Variants in TSPAN7 observed in about 807,000 individuals in gnomAD.
TSPAN7 encodes the protein tetraspanin 7.
TSPAN7 carries 1 observed loss-of-function variant against 17.6 expected under a neutral mutation model. That is an observed-to-expected ratio of 0.06 (90% CI 0.02 to 0.27). The LOEUF (loss-of-function observed/expected upper bound fraction) is 0.27. Ranked by LOEUF, TSPAN7 falls within the 10% of genes least tolerant of loss-of-function variation. The probability of loss-of-function intolerance (pLI) is 1.00; values close to 1 mark genes in which losing one functional copy is unlikely to be tolerated. For missense variants in TSPAN7, 112 were observed against 201.7 expected, an observed-to-expected ratio of 0.56 and a Z score of 2.69; for synonymous variants, 78 against 79.0, an observed-to-expected ratio of 0.99 and a Z score of 0.07.
chrX:38,613,590 C>G (rs2069434220), intron 1 of TSPAN7, among the ~76,000 whole-genome samples: 1 of 111,464 alleles, frequency 9.0e-6, no homozygotes, highest in Non-Finnish European at 1.9e-5. Context: ...CTAGAGAAGC[C>G]TTCAAGTCTC....
At chrX:38,658,112 A>C (rs1248254684) in intron 1 of TSPAN7, among the ~76,000 whole-genome samples, 3 of 49,653 alleles carry the variant, frequency 6.0e-5, no homozygotes, top group Non-Finnish European at 1.1e-4. Context: ...CTGGGTACAA[A>C]AATAAAGAGT....
chrX:38,660,562 G>A lies in TSPAN7; in HGVS notation c.82-5559G>A, dbSNP rs111260569. 6.7e-4 allele frequency among the ~76,000 whole-genome samples: 75 copies of A among 112,085 alleles called. 1 individual carries two copies. In the East Asian group the frequency reaches 0.019, roughly 28 times the overall value. ...GATGTGTGTGGAGTTTCAGTGTCAC[G>A]CATTTTCTTCTGAGTTACAGAATCC... On this transcript the variant is annotated intron_variant, in intron 1 of 7. Coordinates refer to ENST00000378482, the MANE Select transcript of TSPAN7 (RefSeq NM_004615.4).
At chrX:38,604,462 G>T (rs1198141155) in intron 1 of TSPAN7, among the ~76,000 whole-genome samples, 73 of 109,766 alleles carry the variant, frequency 6.7e-4, no homozygotes, top group African/African-American at 2.1e-3. Context: ...ACTTCCACAA[G>T]GGTTGAACTA....
At chrX:38,601,107 G>A (rs1026905622) in intron 1 of TSPAN7, among the ~76,000 whole-genome samples, 2 of 111,497 alleles carry the variant, frequency 1.8e-5, no homozygotes, top group Non-Finnish European at 3.8e-5. Context: ...CTCAGCACAG[G>A]GATCAATACT....
At chrX:38,603,640 A>G (rs1386406621) in intron 1 of TSPAN7, among the ~76,000 whole-genome samples, 1 of 111,308 alleles carries the variant, frequency 9.0e-6, no homozygotes, top group Non-Finnish European at 1.9e-5. Flanking sequence ...AAAAGATCAC[A>G]TATTATATGA....
chrX:38,684,349 CCT>C (rs200054182), intron 6 of TSPAN7, among the ~76,000 whole-genome samples: 3,992 of 111,346 alleles, frequency 0.036, 179 homozygotes, highest in African/African-American at 0.12. Flanking sequence ...TCAAGGTAAA[CCT>C]CATTTGTCTG....
chrX:38,592,275 G>A (rs771666750), intron 1 of TSPAN7, among the ~76,000 whole-genome samples: 13 of 111,483 alleles, frequency 1.2e-4, no homozygotes, highest in Non-Finnish European at 2.3e-4. Flanking sequence ...AAACCTATTT[G>A]TACCTTTATA....
At chrX:38,583,929 T>C (rs1238793955) in intron 1 of TSPAN7, among the ~76,000 whole-genome samples, 2 of 107,546 alleles carry the variant, frequency 1.9e-5, no homozygotes, top group Non-Finnish European at 3.8e-5. Flanking sequence ...AACCTGATTT[T>C]TTTTTCTTTT....
At chrX:38,583,183 A>T (rs781608235) in intron 1 of TSPAN7, among the ~76,000 whole-genome samples, 1 of 112,429 alleles carries the variant, frequency 8.9e-6, no homozygotes, top group East Asian at 2.8e-4. Context: ...TCCTCACTGT[A>T]CTTCCTCCCC....
intron 1 of TSPAN7, among the ~76,000 whole-genome samples, chrX:38,618,953 G>C (rs182379103): frequency 1.3e-4 from 15 of 111,574 alleles, no homozygotes; most frequent in Non-Finnish European, 2.5e-4. Context: ...CTGTGTCTTT[G>C]AAGACATTGC....
chrX:38,659,859 C>G (rs1252551650), intron 1 of TSPAN7, among the ~76,000 whole-genome samples: 3 of 89,905 alleles, frequency 3.3e-5, no homozygotes, highest in Non-Finnish European at 6.3e-5. Flanking sequence ...CAGAGTAAAG[C>G]TCTGTCACCC....
At chrX:38,578,903 T>C (rs1267707284) in intron 1 of TSPAN7, among the ~76,000 whole-genome samples, 1 of 111,261 alleles carries the variant, frequency 9.0e-6, no homozygotes, top group Admixed American at 9.5e-5. Flanking sequence ...TATGTACATA[T>C]ATGTATACAT....
At chrX:38,566,343 AAC>A (rs1173938437) in intron 1 of TSPAN7, 2 of 963,032 alleles carry the variant, frequency 2.1e-6, no homozygotes, top group South Asian at 2.1e-5. Flanking sequence ...AGGAGGGAAA[AAC>A]ACACCTAGGA....
chrX:38,636,941 C>T (rs374567707), intron 1 of TSPAN7, among the ~76,000 whole-genome samples: 78 of 112,314 alleles, frequency 6.9e-4, no homozygotes, highest in African/African-American at 2.3e-3. Flanking sequence ...AGGCGTGAGC[C>T]ACCACGCCTG....
At chrX:38,626,475 C>T (rs2069523537) in intron 1 of TSPAN7, among the ~76,000 whole-genome samples, 1 of 111,610 alleles carries the variant, frequency 9.0e-6, no homozygotes, top group Non-Finnish European at 1.9e-5. Context: ...GATGACTATT[C>T]GGGAGTGAAA....
intron 1 of TSPAN7, among the ~76,000 whole-genome samples, chrX:38,624,861 C>G (rs1386986107): frequency 1.8e-5 from 2 of 112,357 alleles, no homozygotes; most frequent in African/African-American, 6.5e-5. Flanking sequence ...TGGGGTGTGT[C>G]CCAGGAATCA....
intron 1 of TSPAN7, among the ~76,000 whole-genome samples, chrX:38,610,034 C>T (rs1183828429): frequency 6.3e-5 from 7 of 111,302 alleles, no homozygotes; most frequent in Admixed American, 9.6e-5. Flanking sequence ...TAAAAATGTA[C>T]GATTGGCATT....
intron 1 of TSPAN7, among the ~76,000 whole-genome samples, chrX:38,593,506 A>G (rs1012350645): frequency 1.8e-5 from 2 of 111,815 alleles, no homozygotes; most frequent in Non-Finnish European, 3.8e-5. Flanking sequence ...TTTATCTGCT[A>G]TGTTTTAAAA....
At chrX:38,589,187 T>G (rs1357005644) in intron 1 of TSPAN7, among the ~76,000 whole-genome samples, 1 of 112,141 alleles carries the variant, frequency 8.9e-6, no homozygotes, top group East Asian at 2.8e-4. Flanking sequence ...TAAAGAGCAG[T>G]GCAAAACTTT....
Sources: gnomAD v4.1 joint callset for allele counts (sites outside exome capture counted in the v4.1 genomes callset) on GRCh38, gnomAD v4.1.1 for gene constraint, MANE v1.5 for transcripts, NCBI Gene and HGNC (gene_info 2026-07-23, HGNC 2026-07-21) for gene names.